Variants in COL26A1 observed in about 807,000 individuals in gnomAD.
COL26A1 encodes collagen type XXVI alpha 1 chain.
Under a neutral mutation model 59.3 loss-of-function variants are expected in COL26A1, and 41 were observed. The ratio of observed to expected loss-of-function variants is 0.69; its 90% CI spans 0.54 to 0.90. The LOEUF is 0.90. Among genes scored for constraint, COL26A1 ranks in the 40% least tolerant of loss-of-function variants. The pLI is 0.00. For missense variants in COL26A1, 612 were observed against 602.3 expected, an observed-to-expected ratio of 1.02 and a Z score of -0.17; for synonymous variants, 266 against 256.0, an observed-to-expected ratio of 1.04 and a Z score of -0.37.
At position 101,438,589 on chromosome 7, in the gene COL26A1, A is replaced by G. The variant is rs200934748; in HGVS notation, c.282-9095A>G. On this transcript the variant is annotated intron_variant, in intron 2 of 12. Transcript: ENST00000313669. ...TGGACTCAGTGTTTTCATCCATAAAATGGGACAGTAATACTCTCAGGTGTG... is the reference window on the plus strand; with the variant it reads ...TGGACTCAGTGTTTTCATCCATAAAGTGGGACAGTAATACTCTCAGGTGTG... Among the ~76,000 whole-genome samples, 5 of 151,588 alleles carry G rather than the reference A, an allele frequency of 3.3e-5. No homozygotes were observed. The East Asian group carries it at 9.7e-4, about 29-fold the overall frequency.
chr7:101,549,126 G>GC, intron 8 of COL26A1, 45 bp from the exon 9 acceptor site: 6 of 1,131,826 alleles, frequency 5.3e-6, no homozygotes, highest in East Asian at 2.7e-5. Context: ...GGCTGGGGGC[G>GC]CCCCCTCTCT....
rs1554404085 is a variant in COL26A1 at position 101,387,778 on chromosome 7, A to ATTTT, written c.158+24594_158+24597dup. Among the ~76,000 whole-genome samples the ATTTT allele has an allele frequency of 1.3e-3, 109 of 84,742 alleles. 2 individuals carry two copies. The highest frequency in any genetic ancestry group is 4.4e-3 in the African/African-American group (89 of 20,080). 55.6% of individuals were successfully genotyped at this position (84,742 alleles called of 152,430 possible). A position where few individuals can be genotyped will look rare whatever the true frequency, so the allele number is the denominator to read the frequency against. On this transcript the variant is annotated intron_variant, in intron 1 of 12. Transcript: ENST00000313669. ...TTTATATATATATATATATATATAT[A>ATTTT]TTTTTTTTTAAGACAGAGTCTCACT...
At chr7:101,490,657 C>T (rs573331516) in intron 3 of COL26A1, among the ~76,000 whole-genome samples, 4 of 151,602 alleles carry the variant, frequency 2.6e-5, no homozygotes, top group Non-Finnish European at 5.9e-5. Context: ...GCGGAGATTG[C>T]ACCATTGCAC....
At position 101,442,220 on chromosome 7, in the gene COL26A1, A is replaced by T. The variant is rs1315896741; in HGVS notation, c.282-5464A>T. 9.1e-5 allele frequency among the ~76,000 whole-genome samples: 9 copies of T among 99,314 alleles called. No individual in the cohort carries two copies. In the Admixed American group the frequency reaches 1.1e-3, roughly 12 times the overall value. The allele number at this position is 99,314 out of a possible 152,430, so 65.2% of individuals were successfully genotyped here. A position where few individuals can be genotyped will look rare whatever the true frequency, so the allele number is the denominator to read the frequency against. ...TTCAGGAATTAATTTTAAAACTGCCATTTTTAATCTAAACAAAAGCTCTCC... is the reference window on the plus strand; with the variant it reads ...TTCAGGAATTAATTTTAAAACTGCCTTTTTTAATCTAAACAAAAGCTCTCC... On this transcript the variant is annotated intron_variant, in intron 2 of 12. Transcript: ENST00000313669.
chr7:101,405,996 C>T (rs1370996766), intron 1 of COL26A1, among the ~76,000 whole-genome samples: 6 of 152,248 alleles, frequency 3.9e-5, no homozygotes, highest in East Asian at 1.9e-4. Flanking sequence ...GCTGGTGGCA[C>T]GGCCGTGCTC....
intron 3 of COL26A1, among the ~76,000 whole-genome samples, chr7:101,503,512 A>C (rs1477881916): frequency 6.6e-6 from 1 of 152,136 alleles, no homozygotes; most frequent in African/African-American, 2.4e-5. Context: ...CCTCCCAGGT[A>C]GCTGAGACTA....
At chr7:101,392,533 C>G (rs773066364) in intron 1 of COL26A1, among the ~76,000 whole-genome samples, 32 of 151,214 alleles carry the variant, frequency 2.1e-4, no homozygotes, top group Non-Finnish European at 4.4e-4. Flanking sequence ...TCCTGAGTAG[C>G]TAGGATTACT....
At chr7:101,456,626 T>C (rs1013696881) in intron 3 of COL26A1, among the ~76,000 whole-genome samples, 3 of 90,240 alleles carry the variant, frequency 3.3e-5, no homozygotes, top group Non-Finnish European at 6.4e-5. Context: ...ATCACGCCAT[T>C]GCACTCCACC....
intron 3 of COL26A1, among the ~76,000 whole-genome samples, chr7:101,487,754 G>A (rs115621591): frequency 0.044 from 6,694 of 152,174 alleles, 512 homozygotes; most frequent in African/African-American, 0.15. Context: ...ATAAGCCCAC[G>A]CCCTGTCACT....
At chr7:101,494,843 G>A (rs1057129331) in intron 3 of COL26A1, among the ~76,000 whole-genome samples, 1 of 152,208 alleles carries the variant, frequency 6.6e-6, no homozygotes, top group Non-Finnish European at 1.5e-5. Context: ...TGCCCAGAGC[G>A]TACACTGCAG....
chr7:101,382,524 T>C (rs1791472297), intron 1 of COL26A1, among the ~76,000 whole-genome samples: 1 of 152,230 alleles, frequency 6.6e-6, no homozygotes. Flanking sequence ...CTGAACTCTA[T>C]CTGGTCTGGT....
chr7:101,519,631 C>A (rs887523647), intron 3 of COL26A1, among the ~76,000 whole-genome samples: 1 of 152,198 alleles, frequency 6.6e-6, no homozygotes, highest in African/African-American at 2.4e-5. Flanking sequence ...GGGTCAGGCA[C>A]TGGGAACTGC....
At chr7:101,388,233 G>A (rs1252534088) in intron 1 of COL26A1, among the ~76,000 whole-genome samples, 1 of 151,844 alleles carries the variant, frequency 6.6e-6, no homozygotes, top group Non-Finnish European at 1.5e-5. Context: ...AGTACTTTGG[G>A]AGGCTAAGGC....
At chr7:101,503,728 T>A (rs1259813715) in intron 3 of COL26A1, among the ~76,000 whole-genome samples, 1 of 151,860 alleles carries the variant, frequency 6.6e-6, no homozygotes, top group Non-Finnish European at 1.5e-5. Flanking sequence ...GGACAGGGGG[T>A]CTGAACCACA....
At chr7:101,427,932 T>C (rs1283981823) in intron 2 of COL26A1, among the ~76,000 whole-genome samples, 1 of 152,198 alleles carries the variant, frequency 6.6e-6, no homozygotes, top group African/African-American at 2.4e-5. Context: ...CTGCTCCTCA[T>C]GGTGTGACTA....
intron 3 of COL26A1, among the ~76,000 whole-genome samples, chr7:101,489,274 T>C (rs984481154): frequency 2.6e-5 from 4 of 152,166 alleles, no homozygotes; most frequent in African/African-American, 9.6e-5. Flanking sequence ...CCAAAGGCAC[T>C]GTCCCACATG....
chr7:101,523,924 C>T (rs1562788023), intron 3 of COL26A1, among the ~76,000 whole-genome samples: 1 of 151,864 alleles, frequency 6.6e-6, no homozygotes, highest in Non-Finnish European at 1.5e-5. Flanking sequence ...ATTGCATTGA[C>T]TCTATAGATC....
chr7:101,393,786 AC>A (rs1350125799), intron 1 of COL26A1, among the ~76,000 whole-genome samples: 1 of 150,884 alleles, frequency 6.6e-6, no homozygotes, highest in African/African-American at 2.4e-5. Flanking sequence ...TCACTCTGTC[AC>A]CCAGGCTGGA....
rs147296294 is a variant in COL26A1 at position 101,545,429 on chromosome 7, C to G, written c.795C>G (p.Gly265=). 722 of 1,608,188 alleles carry G rather than the reference C, an allele frequency of 4.5e-4. 4 individuals are homozygous for G. In the African/African-American group the frequency reaches 8.0e-3, roughly 18 times the overall value. ...CACCCGGCCCAGCAGGCAACCCAGG[C>G]CCCTCACCAAACAGCCCCCAGGGCG... ...PGPPGPAGNP[G]PSPNSPQGAL... The change falls in exon 7 of 13, where the codon GGC becomes GGG. Residue 265 remains glycine (G), a synonymous_variant. Coordinates refer to ENST00000313669, the MANE Select transcript of COL26A1 (RefSeq NM_001278563.3).
Sources: gnomAD v4.1 joint callset for allele counts (sites outside exome capture counted in the v4.1 genomes callset) on GRCh38, gnomAD v4.1.1 for gene constraint, MANE v1.5 for transcripts, NCBI Gene and HGNC (gene_info 2026-07-23, HGNC 2026-07-21) for gene names.